The following NCMAP variants were observed in gnomAD, a reference collection of about 807,000 sequenced individuals.
NCMAP encodes non-compact myelin associated protein.
Under a neutral mutation model 7.8 loss-of-function variants are expected in NCMAP, and 8 were observed. The ratio of observed to expected loss-of-function variants is 1.02; its 90% CI spans 0.60 to 1.84. NCMAP has a LOEUF of 1.84. Ranked by LOEUF, NCMAP falls within the 40% of genes most tolerant of loss-of-function variation. The probability of loss-of-function intolerance (pLI) is 0.00; values close to 1 mark genes in which losing one functional copy is unlikely to be tolerated. For missense variants in NCMAP, 112 were observed against 131.4 expected, an observed-to-expected ratio of 0.85 and a Z score of 0.72; for synonymous variants, 41 against 52.9, an observed-to-expected ratio of 0.78 and a Z score of 0.98.
At chr1:24,600,324 A>T (rs1363747467) in intron 2 of NCMAP, among the ~76,000 whole-genome samples, 1 of 145,812 alleles carries the variant, frequency 6.9e-6, no homozygotes, top group Non-Finnish European at 1.5e-5. Context: ...CTAATTTTTA[A>T]TTTTTTATTT....
At chr1:24,598,918 G>A (rs12090297) in intron 2 of NCMAP, among the ~76,000 whole-genome samples, 1,829 of 151,472 alleles carry the variant, frequency 0.012, 34 homozygotes, top group African/African-American at 0.043. Flanking sequence ...GATTACAGGC[G>A]TGAGCCACCA....
At chr1:24,573,969 A>AAAAAAAAC (rs1274825221) in intron 1 of NCMAP, among the ~76,000 whole-genome samples, 1 of 136,776 alleles carries the variant, frequency 7.3e-6, no homozygotes, top group Non-Finnish European at 1.6e-5. Context: ...AAAAAAAAAA[A>AAAAAAAAC]AACAGAAAAA....
intron 1 of NCMAP, among the ~76,000 whole-genome samples, chr1:24,571,137 G>A (rs1651377783): frequency 6.6e-6 from 1 of 150,890 alleles, no homozygotes; most frequent in East Asian, 1.9e-4. Context: ...CCAATATAAT[G>A]TGAGCCACAT....
At chr1:24,561,339 G>A (rs1343665847) in intron 1 of NCMAP, among the ~76,000 whole-genome samples, 1 of 152,004 alleles carries the variant, frequency 6.6e-6, no homozygotes, top group African/African-American at 2.4e-5. Flanking sequence ...AAGAGTGAAA[G>A]TCTGTTTCAA....
chr1:24,586,042 A>T (rs118191791), intron 1 of NCMAP, among the ~76,000 whole-genome samples: 1 of 152,214 alleles, frequency 6.6e-6, no homozygotes, highest in Admixed American at 6.5e-5. Context: ...GGGAACTGGC[A>T]TGAGCACTCC....
chr1:24,600,803 A>G (rs775879633), intron 2 of NCMAP, 137 bp from the exon 3 acceptor site: 24 of 748,358 alleles, frequency 3.2e-5, no homozygotes, highest in Non-Finnish European at 5.7e-5. Context: ...CCTGGGGTCA[A>G]CTGGGAGTGT....
intron 1 of NCMAP, among the ~76,000 whole-genome samples, chr1:24,565,717 C>A (rs1169353219): frequency 6.6e-6 from 1 of 151,920 alleles, no homozygotes; most frequent in East Asian, 1.9e-4. Flanking sequence ...CCCACCTCAG[C>A]CTCTTGAGTA....
intron 1 of NCMAP, among the ~76,000 whole-genome samples, chr1:24,577,352 A>G (rs1651602333): frequency 7.1e-6 from 1 of 140,346 alleles, no homozygotes. Context: ...TGAAAGATCC[A>G]TTAGGGATAA....
At chr1:24,579,613 A>G (rs568868795) in intron 1 of NCMAP, among the ~76,000 whole-genome samples, 19 of 152,296 alleles carry the variant, frequency 1.2e-4, no homozygotes, top group African/African-American at 4.1e-4. Flanking sequence ...GGTGGTGCAC[A>G]CCTGTAGTCC....
chr1:24,571,313 A>G (rs1651383559), intron 1 of NCMAP, among the ~76,000 whole-genome samples: 1 of 149,982 alleles, frequency 6.7e-6, no homozygotes, highest in African/African-American at 2.5e-5. Flanking sequence ...CGTCTCTACT[A>G]AAAATACAAA....
intron 1 of NCMAP, among the ~76,000 whole-genome samples, chr1:24,558,724 G>A (rs1650972389): frequency 6.6e-6 from 1 of 152,126 alleles, no homozygotes; most frequent in African/African-American, 2.4e-5. Flanking sequence ...GTCACTCTCA[G>A]GGTTTGCAAA....
chr1:24,567,692 G>C (rs770792068), intron 1 of NCMAP, among the ~76,000 whole-genome samples: 1 of 152,136 alleles, frequency 6.6e-6, no homozygotes, highest in Non-Finnish European at 1.5e-5. Flanking sequence ...TAACTAAGCC[G>C]GAGTTCAATC....
At chr1:24,577,420 T>TGTTTTG (rs1553155955) in intron 1 of NCMAP, among the ~76,000 whole-genome samples, 1 of 143,750 alleles carries the variant, frequency 7.0e-6, no homozygotes, top group African/African-American at 2.5e-5. Context: ...TTTTTTTTTT[T>TGTTTTG]TTTTTTTTTT....
At chr1:24,603,170 A>G (rs1251105386) in intron 3 of NCMAP, among the ~76,000 whole-genome samples, 2 of 152,178 alleles carry the variant, frequency 1.3e-5, no homozygotes, top group Non-Finnish European at 2.9e-5. Context: ...TTTAATCCTC[A>G]TCTAACAACC....
At chr1:24,591,714 G>T (rs961876439) in intron 1 of NCMAP, among the ~76,000 whole-genome samples, 4 of 152,204 alleles carry the variant, frequency 2.6e-5, no homozygotes, top group Non-Finnish European at 5.9e-5. Context: ...GCCACACGGG[G>T]TTCCTGGTGG....
At chr1:24,602,112 T>C (rs1652519142) in intron 3 of NCMAP, among the ~76,000 whole-genome samples, 2 of 151,954 alleles carry the variant, frequency 1.3e-5, no homozygotes, top group South Asian at 4.1e-4. Context: ...TTCCAATATA[T>C]TGTCAAAGTT....
chr1:24,590,525 G>A (rs1287184024), intron 1 of NCMAP, among the ~76,000 whole-genome samples: 2 of 152,206 alleles, frequency 1.3e-5, no homozygotes, highest in Non-Finnish European at 1.5e-5. Context: ...CCCCTTGAGA[G>A]TAGAGGTGGG....
At chr1:24,596,973 C>G (rs1262366426) in intron 2 of NCMAP, among the ~76,000 whole-genome samples, 1 of 152,132 alleles carries the variant, frequency 6.6e-6, no homozygotes, top group Non-Finnish European at 1.5e-5. Flanking sequence ...CAGGGATAAA[C>G]AGCTTCAGGC....
chr1:24,581,405 C>T (rs1651741506), intron 1 of NCMAP, among the ~76,000 whole-genome samples: 1 of 152,252 alleles, frequency 6.6e-6, no homozygotes, highest in Admixed American at 6.5e-5. Context: ...GCATGAGCCA[C>T]TGTGACCGGC....
Sources: allele counts gnomAD v4.1 joint callset (sites outside exome capture counted in the v4.1 genomes callset), GRCh38; gene constraint gnomAD v4.1.1; transcripts MANE v1.5; gene names NCBI Gene and HGNC (gene_info 2026-07-23, HGNC 2026-07-21).